PTPRS: variants seen among roughly 807,000 people sequenced by gnomAD.
The protein encoded by PTPRS is receptor-type tyrosine-protein phosphatase S.
A neutral mutation model predicts 215.3 loss-of-function variants in PTPRS; 63 were observed. That is an observed-to-expected ratio of 0.29 (90% CI 0.24 to 0.36). The LOEUF (loss-of-function observed/expected upper bound fraction) is 0.36. Ranked by LOEUF, PTPRS falls within the 10% of genes least tolerant of loss-of-function variation. The pLI, the probability that PTPRS is intolerant of heterozygous loss-of-function variation, is 1.00. For synonymous variants in PTPRS, 1,404 were observed against 1,191.4 expected, an observed-to-expected ratio of 1.18 and a Z score of -3.68; for missense variants, 2,258 against 2,825.8, an observed-to-expected ratio of 0.80 and a Z score of 4.56.
Position 5,210,889 on chromosome 19 carries a change from C to A in PTPRS, c.5235-84G>T. 6.6e-7 allele frequency: 1 copy of A among 1,523,856 alleles called. No individual in the cohort carries two copies. The highest frequency in any genetic ancestry group is 8.8e-7 in the Non-Finnish European group (1 of 1,137,920). 94.4% of individuals were successfully genotyped at this position (1,523,856 alleles called of 1,614,324 possible). On this transcript the variant is annotated intron_variant, in intron 33 of 37. Coordinates refer to ENST00000262963, the MANE Select transcript of PTPRS (RefSeq NM_002850.4). The surrounding 1 kb of genome is among the most constrained non-coding windows in gnomAD (Gnocchi z 4.5). ...CTGATGCTGCCCGGGAGGGTCAGGA[C>A]CAAGCCAGTGACAGCTACACCTACC...
intron 37 of PTPRS, among the ~76,000 whole-genome samples, chr19:5,207,426 G>A (rs1420368966): frequency 6.6e-6 from 1 of 152,106 alleles, no homozygotes; most frequent in Non-Finnish European, 1.5e-5. Flanking sequence ...TTTCTGTGTT[G>A]CCCAGGATGG....
chr19:5,273,270 C>T, intron 4 of PTPRS, 172 bp downstream of exon 4: 2 of 793,698 alleles, frequency 2.5e-6, no homozygotes, highest in South Asian at 1.6e-5. Flanking sequence ...AATAAATCCC[C>T]ACCAGTAGGC....
At chr19:5,228,127 T>C (rs1406393638) in intron 16 of PTPRS, among the ~76,000 whole-genome samples, 6 of 151,676 alleles carry the variant, frequency 4.0e-5, no homozygotes, top group Admixed American at 3.9e-4. Flanking sequence ...AGATCCAGTG[T>C]GGGTGAGAGA....
At chr19:5,238,106 G>T (rs747860903) in intron 13 of PTPRS, among the ~76,000 whole-genome samples, 1 of 152,184 alleles carries the variant, frequency 6.6e-6, no homozygotes, top group African/African-American at 2.4e-5. Context: ...AGACCACGCC[G>T]GTGGAGGCCA....
intron 1 of PTPRS, among the ~76,000 whole-genome samples, chr19:5,324,762 G>A (rs1358229453): frequency 1.3e-5 from 2 of 152,226 alleles, no homozygotes; most frequent in Non-Finnish European, 2.9e-5. Flanking sequence ...GGGCTGTGCA[G>A]ATTCAACAGG....
chr19:5,215,180 C>T (rs923021604), intron 28 of PTPRS, 109 bp downstream of exon 28: 23 of 1,450,904 alleles, frequency 1.6e-5, no homozygotes, highest in African/African-American at 2.8e-5. Context: ...TGGAGCTGGA[C>T]CAGGTCTATG....
chr19:5,309,870 A>G (rs1048243661), intron 1 of PTPRS, among the ~76,000 whole-genome samples: 1 of 151,258 alleles, frequency 6.6e-6, no homozygotes, highest in African/African-American at 2.4e-5. Flanking sequence ...GTCTGCACTC[A>G]TCCCCCACAG....
rs371524823 is a variant in PTPRS, at chr19:5,239,004, C to T, written c.1764G>A (p.Thr588=). 2.2e-5 allele frequency: 36 copies of T among 1,613,372 alleles called. 1 individual carries two copies. Among genetic ancestry groups the T allele is most frequent in the Admixed American group, 5.0e-5 (3 of 59,944 alleles). ...GGGCCGCCAGGCGGAAGGCGTACTC[C>T]GTGTTGGGCTTCAGGTCCTCCACCA... is the stretch of plus-strand genomic sequence containing the variant. ...SYVVEDLKPN[T]EYAFRLAARS... Residue 588 remains threonine (T), a synonymous_variant, in exon 13 of 38, where the codon ACG becomes ACA. Coordinates refer to ENST00000262963, the MANE Select transcript of PTPRS (RefSeq NM_002850.4).
intron 28 of PTPRS, 67 bp downstream of exon 28, chr19:5,215,222 G>T: frequency 1.3e-6 from 2 of 1,588,920 alleles, no homozygotes; most frequent in Non-Finnish European, 8.6e-7. Flanking sequence ...CCCAAGGGGA[G>T]ACATGGGATC....
chr19:5,322,790 A>G (rs2050061443), intron 1 of PTPRS, among the ~76,000 whole-genome samples: 1 of 149,320 alleles, frequency 6.7e-6, no homozygotes, highest in Admixed American at 6.8e-5. Context: ...GAGGCAGGAG[A>G]ATCGCTTGAA....
chr19:5,231,285 T>A, intron 14 of PTPRS, 25 bp downstream of exon 14: 1 of 1,573,110 alleles, frequency 6.4e-7, no homozygotes, highest in Non-Finnish European at 8.6e-7. Flanking sequence ...CTGCGGGGGG[T>A]CCCGGGCCTG....
intron 7 of PTPRS, among the ~76,000 whole-genome samples, chr19:5,260,340 C>A (rs2238638): frequency 6.6e-6 from 1 of 151,994 alleles, no homozygotes; most frequent in Admixed American, 6.6e-5. Context: ...CCACCATGCC[C>A]GGCTAATTTT....
Position 5,265,084 on chromosome 19 carries a change from AG to A in PTPRS, c.491del (p.Pro164LeufsTer89). ...MLCAASGNPD[P>X]EITWFKDFLP... The stretch of plus-strand genomic sequence containing the variant: ...GGAAGTCCTTGAACCAGGTGATCTC[AG>A]GGTCAGGGTTGCCGCTGGCTGCACA... On this transcript the variant is annotated frameshift_variant, in exon 5 of 38. Transcript: ENST00000262963. LOFTEE classifies it high-confidence loss of function. The A allele has an allele frequency of 6.2e-7, 1 of 1,613,456 alleles. No homozygotes were observed. The highest frequency in any genetic ancestry group is 8.5e-7 in the Non-Finnish European group (1 of 1,179,412).
intron 1 of PTPRS, among the ~76,000 whole-genome samples, chr19:5,297,076 G>A (rs1427934360): frequency 6.9e-6 from 1 of 145,924 alleles, no homozygotes; most frequent in East Asian, 1.9e-4. Flanking sequence ...GCCACCTCCA[G>A]GAAGCCCTCC....
intron 1 of PTPRS, among the ~76,000 whole-genome samples, chr19:5,310,412 C>G (rs1039568121): frequency 6.6e-6 from 1 of 150,762 alleles, no homozygotes; most frequent in Non-Finnish European, 1.5e-5. Context: ...CCGCTTCCCC[C>G]GTTCAAGCAA....
chr19:5,218,384 T>C, intron 25 of PTPRS, 36 bp downstream of exon 25: 1 of 1,549,992 alleles, frequency 6.5e-7, no homozygotes. Flanking sequence ...ATCTCCCCTG[T>C]TGGTGGCATC....
chr19:5,260,475 C>T (rs1024233714), intron 7 of PTPRS, among the ~76,000 whole-genome samples: 47 of 152,214 alleles, frequency 3.1e-4, no homozygotes, highest in African/African-American at 1.1e-3. Flanking sequence ...CCACCGCGCC[C>T]GGCCTGCATG....
In PTPRS at chr19:5,280,058, T is replaced by C. The variant is rs553166260; in HGVS notation, c.92-5714A>G. 3.3e-5 allele frequency among the ~76,000 whole-genome samples: 5 copies of C among 152,346 alleles called. No individual in the cohort carries two copies. The South Asian group carries it at 8.3e-4, about 25-fold the overall frequency. On this transcript the variant is annotated intron_variant, in intron 2 of 37. Coordinates refer to ENST00000262963, the MANE Select transcript of PTPRS (RefSeq NM_002850.4). Reference sequence around the variant, plus strand: ...AAAGAAAAAATGGAGCAAAACTTTGTTTTAAGTAAAAGTTTGGGGTCTGAG... The same window carrying C: ...AAAGAAAAAATGGAGCAAAACTTTGCTTTAAGTAAAAGTTTGGGGTCTGAG...
intron 9 of PTPRS, among the ~76,000 whole-genome samples, chr19:5,248,442 G>A (rs1392462229): frequency 1.3e-5 from 2 of 151,578 alleles, no homozygotes; most frequent in African/African-American, 4.8e-5. Flanking sequence ...GGTCTGAAAG[G>A]AGGAGGACTG....
Sources: allele counts gnomAD v4.1 joint callset (sites outside exome capture counted in the v4.1 genomes callset), GRCh38; gene constraint gnomAD v4.1.1; non-coding constraint Gnocchi (gnomAD v3.1); transcripts MANE v1.5; gene names NCBI Gene and HGNC (gene_info 2026-07-23, HGNC 2026-07-21).